Variants in CDKN2B-AS1 observed in about 807,000 individuals in gnomAD.
CDKN2B-AS1 encodes the protein CDKN2B antisense RNA 1 (non-protein coding).
chr9:22,115,939 T>C (rs1563990877), intron 4 of CDKN2B-AS1, among the ~76,000 whole-genome samples: 3 of 152,242 alleles, frequency 2.0e-5, no homozygotes, highest in Non-Finnish European at 4.4e-5. Flanking sequence ...GACCATTTTT[T>C]ACTCCTGTTC....
At chr9:22,020,012 C>T (rs1476063110) in intron 1 of CDKN2B-AS1, among the ~76,000 whole-genome samples, 1 of 152,088 alleles carries the variant, frequency 6.6e-6, no homozygotes, top group Non-Finnish European at 1.5e-5. Flanking sequence ...TCCTTATTTT[C>T]TCCCTCCACC....
chr9:22,094,178 G>A lies in CDKN2B-AS1; in HGVS notation n.439-32925G>A, dbSNP rs938718081. ...TCTTCTGGCTTGTAGAGTTTCTACC[G>A]AGAGATCAGCTGTTAGTCTGATGGG... On this transcript the variant is annotated intron_variant and non_coding_transcript_variant, in intron 4 of 4. Coordinates refer to ENST00000650946, the Ensembl canonical transcript of CDKN2B-AS1. Among the ~76,000 whole-genome samples the A allele has an allele frequency of 4.9e-5, 7 of 144,066 alleles. 1 individual carries two copies. Among genetic ancestry groups the A allele is most frequent in the South Asian group, 2.1e-4 (1 of 4,706 alleles). 94.5% of individuals were successfully genotyped at this position (144,066 alleles called of 152,430 possible). A position where few individuals can be genotyped will look rare whatever the true frequency, so the allele number is the denominator to read the frequency against.
At chr9:22,040,555 T>C (rs1014163302) in intron 1 of CDKN2B-AS1, among the ~76,000 whole-genome samples, 1 of 151,950 alleles carries the variant, frequency 6.6e-6, no homozygotes, top group Non-Finnish European at 1.5e-5. Context: ...CAAGCAGCTG[T>C]GCAAGGTACA....
chr9:22,079,206 G>A (rs775499239), intron 4 of CDKN2B-AS1, among the ~76,000 whole-genome samples: 9 of 152,186 alleles, frequency 5.9e-5, no homozygotes, highest in Admixed American at 2.0e-4. Flanking sequence ...AAAAGTGGCC[G>A]GGTGCAGTGG....
At chr9:22,049,830 A>AGAGCTT in intron 3 of CDKN2B-AS1, among the ~76,000 whole-genome samples, 1 of 152,252 alleles carries the variant, frequency 6.6e-6, no homozygotes, top group African/African-American at 2.4e-5. Context: ...AAAGCGTTTC[A>AGAGCTT]TAGATTGGCC....
At chr9:22,026,431 G>C (rs754889635) in intron 1 of CDKN2B-AS1, among the ~76,000 whole-genome samples, 3 of 151,756 alleles carry the variant, frequency 2.0e-5, no homozygotes, top group Non-Finnish European at 4.4e-5. Context: ...TTGGCCCCTG[G>C]TTAGTTTGGA....
chr9:22,108,677 G>A (rs1197950493), intron 4 of CDKN2B-AS1, among the ~76,000 whole-genome samples: 2 of 152,096 alleles, frequency 1.3e-5, no homozygotes, highest in Non-Finnish European at 2.9e-5. Flanking sequence ...AATTTGAGCA[G>A]TTTCACAATT....
chr9:22,091,839 G>T (rs912157355), intron 4 of CDKN2B-AS1, among the ~76,000 whole-genome samples: 1 of 152,148 alleles, frequency 6.6e-6, no homozygotes, highest in African/African-American at 2.4e-5. Flanking sequence ...GATTGCCGTG[G>T]CCAGAACTTC....
chr9:22,040,112 G>A (rs1354013430), intron 1 of CDKN2B-AS1, among the ~76,000 whole-genome samples: 1 of 152,008 alleles, frequency 6.6e-6, no homozygotes, highest in Admixed American at 6.6e-5. Context: ...CAGACGTCTA[G>A]CTTCCAGAGC....
In CDKN2B-AS1 at chr9:22,065,398, C is replaced by T. The variant is rs184957240; in HGVS notation, n.438+9011C>T. On this transcript the variant is annotated intron_variant and non_coding_transcript_variant, in intron 4 of 4. Coordinates refer to ENST00000650946, the Ensembl canonical transcript of CDKN2B-AS1. ...ACTCGACAATAAAGTAACCACTAGACTTTGAGAATTGCAGTTTTACATTGT... is the reference window on the plus strand; with the variant it reads ...ACTCGACAATAAAGTAACCACTAGATTTTGAGAATTGCAGTTTTACATTGT... Among the ~76,000 whole-genome samples the T allele has an allele frequency of 2.0e-5, 3 of 152,274 alleles. No homozygotes were observed. In the East Asian group the frequency reaches 5.8e-4, roughly 29 times the overall value.
intron 1 of CDKN2B-AS1, among the ~76,000 whole-genome samples, chr9:22,009,954 C>G (rs553365225): frequency 6.6e-6 from 1 of 151,988 alleles, no homozygotes; most frequent in South Asian, 2.1e-4. Context: ...AAAACTAGTT[C>G]GAGATTGAGA....
chr9:22,091,351 C>T lies in CDKN2B-AS1; in HGVS notation n.438+34964C>T, dbSNP rs1474425297. ...ATATGAACTTTAAAGTAGTTTTTTC[C>T]AGTTCTGTGAAGAAAGTCATTGGTA... On this transcript the variant is annotated intron_variant and non_coding_transcript_variant, in intron 4 of 4. Transcript: ENST00000650946. Among the ~76,000 whole-genome samples the T allele has an allele frequency of 2.6e-5, 4 of 152,034 alleles. No homozygotes were observed. The East Asian group carries it at 7.7e-4, about 29-fold the overall frequency.
At chr9:22,008,203 TATG>T in intron 1 of CDKN2B-AS1, among the ~76,000 whole-genome samples, 1 of 152,340 alleles carries the variant, frequency 6.6e-6, no homozygotes, top group Non-Finnish European at 1.5e-5. Flanking sequence ...GGGCACTGAG[TATG>T]ATAATTAAAG....
chr9:22,099,232 G>A (rs1049640494), intron 4 of CDKN2B-AS1, among the ~76,000 whole-genome samples: 4 of 152,166 alleles, frequency 2.6e-5, no homozygotes, highest in Non-Finnish European at 5.9e-5. Flanking sequence ...AGCTGGGCAC[G>A]TCTAGAGCAT....
At chr9:22,081,180 A>G (rs1362636766) in intron 4 of CDKN2B-AS1, among the ~76,000 whole-genome samples, 2 of 151,740 alleles carry the variant, frequency 1.3e-5, no homozygotes, top group African/African-American at 2.4e-5. Context: ...GTTGTCATGT[A>G]CATTTTGTCA....
At chr9:22,030,376 T>C (rs559585777) in intron 1 of CDKN2B-AS1, 12 of 152,194 alleles carry the variant, frequency 7.9e-5, no homozygotes, top group Non-Finnish European at 1.3e-4. Context: ...GTGTAAGAGT[T>C]TGGGCTAGGA....
chr9:22,047,339 G>A (rs2131274659), intron 2 of CDKN2B-AS1, among the ~76,000 whole-genome samples: 1 of 152,214 alleles, frequency 6.6e-6, no homozygotes, highest in African/African-American at 2.4e-5. Context: ...ATCCTCACAA[G>A]TTTCAGAGGG....
At chr9:22,037,877 T>C (rs768808281) in intron 1 of CDKN2B-AS1, among the ~76,000 whole-genome samples, 1 of 152,040 alleles carries the variant, frequency 6.6e-6, no homozygotes, top group Non-Finnish European at 1.5e-5. Context: ...GAAAAAAATA[T>C]ATATGGGGCT....
At chr9:22,037,196 C>T (rs181205359) in intron 1 of CDKN2B-AS1, among the ~76,000 whole-genome samples, 165 of 152,206 alleles carry the variant, frequency 1.1e-3, no homozygotes, top group Middle Eastern at 6.8e-3. Flanking sequence ...ACTAGCAATT[C>T]TCATTTGGAT....
Sources: gnomAD v4.1 joint callset for allele counts (sites outside exome capture counted in the v4.1 genomes callset) on GRCh38, gnomAD v4.1.1 for gene constraint, MANE v1.5 for transcripts, NCBI Gene and HGNC (gene_info 2026-07-23, HGNC 2026-07-21) for gene names.